Variants in ADK observed in about 807,000 individuals in gnomAD.
ADK encodes the protein N6,N6-dimethyladenosine kinase.
In ADK, 24 loss-of-function variants were observed where a neutral mutation model predicts 44.7. The observed-to-expected ratio is 0.54, with a 90% confidence interval of 0.39 to 0.76. ADK has a LOEUF of 0.76. Among genes scored for constraint, ADK ranks in the 30% least tolerant of loss-of-function variants. The pLI is 0.00. For missense variants in ADK, 321 were observed against 425.1 expected, an observed-to-expected ratio of 0.76 and a Z score of 2.15; for synonymous variants, 128 against 142.6, an observed-to-expected ratio of 0.90 and a Z score of 0.73.
chr10:74,406,586 A>G (rs991719302), intron 6 of ADK, among the ~76,000 whole-genome samples: 50 of 151,288 alleles, frequency 3.3e-4, no homozygotes, highest in Middle Eastern at 3.5e-3. Flanking sequence ...TAGTTGACCC[A>G]TGTCTCAGTG....
At chr10:74,201,472 G>A (rs1409611679) in intron 2 of ADK, among the ~76,000 whole-genome samples, 2 of 152,068 alleles carry the variant, frequency 1.3e-5, no homozygotes, top group African/African-American at 4.8e-5. Flanking sequence ...AGAGAGACAT[G>A]CACCACGTCC....
At chr10:74,243,736 A>C (rs1845311363) in intron 3 of ADK, among the ~76,000 whole-genome samples, 1 of 152,106 alleles carries the variant, frequency 6.6e-6, no homozygotes, top group South Asian at 2.1e-4. Flanking sequence ...GGTGGTGCAC[A>C]CTTGTGGTCC....
intron 2 of ADK, among the ~76,000 whole-genome samples, chr10:74,222,078 C>T (rs1334540560): frequency 1.3e-5 from 2 of 151,136 alleles, no homozygotes; most frequent in African/African-American, 4.9e-5. Context: ...ACAGGCAACC[C>T]ACAAAATGGG....
intron 8 of ADK, among the ~76,000 whole-genome samples, chr10:74,589,658 T>C (rs1851649739): frequency 6.6e-6 from 1 of 152,190 alleles, no homozygotes. Flanking sequence ...CTGCATTACA[T>C]TTCATAAGGA....
chr10:74,520,650 T>C (rs1397731146), intron 6 of ADK, among the ~76,000 whole-genome samples: 1 of 152,060 alleles, frequency 6.6e-6, no homozygotes, highest in Non-Finnish European at 1.5e-5. Flanking sequence ...AACAATGTTG[T>C]TTCTAACATT....
At chr10:74,184,214 G>A (rs796243105) in intron 1 of ADK, among the ~76,000 whole-genome samples, 8 of 152,250 alleles carry the variant, frequency 5.3e-5, no homozygotes, top group African/African-American at 1.9e-4. Flanking sequence ...CACTGTGCCC[G>A]GCAGAGATTT....
intron 3 of ADK, among the ~76,000 whole-genome samples, chr10:74,291,606 G>T (rs1847441089): frequency 6.6e-6 from 1 of 151,926 alleles, no homozygotes; most frequent in Non-Finnish European, 1.5e-5. Context: ...AATGATAATT[G>T]TCAGTAACTG....
intron 9 of ADK, among the ~76,000 whole-genome samples, chr10:74,637,710 G>A (rs1462024881): frequency 6.6e-6 from 1 of 152,192 alleles, no homozygotes; most frequent in African/African-American, 2.4e-5. Context: ...AACCCACTGG[G>A]TATAGGTAGT....
chr10:74,448,123 A>G (rs550877067), intron 6 of ADK, among the ~76,000 whole-genome samples: 1 of 152,266 alleles, frequency 6.6e-6, no homozygotes, highest in East Asian at 1.9e-4. Context: ...CAGTGAGTCG[A>G]GATCACGCCA....
chr10:74,260,606 C>A (rs1018473693), intron 3 of ADK, among the ~76,000 whole-genome samples: 1 of 152,188 alleles, frequency 6.6e-6, no homozygotes, highest in African/African-American at 2.4e-5. Context: ...TTAGGTGACT[C>A]TTTATCTCAC....
chr10:74,656,794 T>C (rs1389622675), intron 9 of ADK, among the ~76,000 whole-genome samples: 2 of 152,198 alleles, frequency 1.3e-5, no homozygotes, highest in Admixed American at 6.5e-5. Context: ...TCCTTTTAAG[T>C]AAATAAATAA....
Position 74,366,197 on chromosome 10 carries a change from T to C in ADK, c.274-27944T>C, listed in dbSNP as rs1161716484. On this transcript the variant is annotated intron_variant, in intron 4 of 10. Transcript: ENST00000539909. ...TTATAGTCTTGTTATTCATAATTAC[T>C]TGAATATTATCAGCATCTCTAGATC... Among the ~76,000 whole-genome samples the C allele has an allele frequency of 3.9e-5, 6 of 152,146 alleles. No homozygotes were observed. In the East Asian group the frequency reaches 9.6e-4, roughly 24 times the overall value.
chr10:74,421,383 T>G (rs1844550518), intron 6 of ADK, among the ~76,000 whole-genome samples: 1 of 152,080 alleles, frequency 6.6e-6, no homozygotes, highest in African/African-American at 2.4e-5. Flanking sequence ...TACAGATAAA[T>G]AAACAAGAGG....
intron 6 of ADK, among the ~76,000 whole-genome samples, chr10:74,424,796 TTC>T (rs1461437838): frequency 6.6e-6 from 1 of 152,198 alleles, no homozygotes; most frequent in Non-Finnish European, 1.5e-5. Flanking sequence ...GTGTCTCATA[TTC>T]TGTTTTACCT....
chr10:74,513,346 G>A (rs981407614), intron 6 of ADK, among the ~76,000 whole-genome samples: 3 of 152,008 alleles, frequency 2.0e-5, no homozygotes, highest in African/African-American at 7.2e-5. Flanking sequence ...GTTGAGAGTG[G>A]GATGTTGAAG....
intron 3 of ADK, among the ~76,000 whole-genome samples, chr10:74,300,006 T>C (rs540235738): frequency 6.6e-6 from 1 of 152,076 alleles, no homozygotes; most frequent in African/African-American, 2.4e-5. Context: ...AATTAGCTTT[T>C]ACTGAAGACT....
At chr10:74,175,527 C>T (rs1008648841) in intron 1 of ADK, among the ~76,000 whole-genome samples, 26 of 152,056 alleles carry the variant, frequency 1.7e-4, no homozygotes, top group African/African-American at 7.2e-5. Context: ...ATTTCAATAT[C>T]GGATGGTATT....
chr10:74,638,752 A>G (rs1306139707), intron 9 of ADK, among the ~76,000 whole-genome samples: 1 of 152,148 alleles, frequency 6.6e-6, no homozygotes, highest in African/African-American at 2.4e-5. Context: ...TGGCAGTGTC[A>G]TCCTGGTTGT....
intron 6 of ADK, among the ~76,000 whole-genome samples, chr10:74,511,217 C>G (rs1438282300): frequency 6.6e-6 from 1 of 152,050 alleles, no homozygotes; most frequent in East Asian, 1.9e-4. Context: ...TTCCATTGGT[C>G]TATATGTCTG....
Sources: gnomAD v4.1 joint callset for allele counts (sites outside exome capture counted in the v4.1 genomes callset) on GRCh38, gnomAD v4.1.1 for gene constraint, MANE v1.5 for transcripts, NCBI Gene and HGNC (gene_info 2026-07-23, HGNC 2026-07-21) for gene names.